Variants in TCEA3 observed in about 807,000 individuals in gnomAD.
TCEA3 encodes the protein transcription elongation factor A3.
Under a neutral mutation model 44.0 loss-of-function variants are expected in TCEA3, and 36 were observed. The observed-to-expected ratio is 0.82, with a 90% CI of 0.63 to 1.08. The LOEUF is 1.08. TCEA3 is among the 50% of genes least tolerant of loss of function. TCEA3 has a pLI of 0.00. For missense variants in TCEA3, 392 were observed against 441.2 expected, an observed-to-expected ratio of 0.89 and a Z score of 1.00; for synonymous variants, 162 against 159.7, an observed-to-expected ratio of 1.01 and a Z score of -0.11.
At chr1:23,419,242 T>C (rs1410481353) in intron 1 of TCEA3, 103 bp from the exon 2 acceptor site, 2 of 834,686 alleles carry the variant, frequency 2.4e-6, no homozygotes, top group African/African-American at 3.5e-5. Flanking sequence ...CAGACAGACA[T>C]GTGGCCGAAG....
At chr1:23,424,540 C>G in intron 1 of TCEA3, 25 bp downstream of exon 1, 1 of 1,597,946 alleles carries the variant, frequency 6.3e-7, no homozygotes, top group Non-Finnish European at 8.5e-7. Flanking sequence ...GGGCGGGGGC[C>G]GTGGCCCAAA....
intron 5 of TCEA3, among the ~76,000 whole-genome samples, chr1:23,406,841 C>T (rs935393662): frequency 8.5e-5 from 13 of 152,246 alleles, no homozygotes; most frequent in African/African-American, 2.2e-4. Flanking sequence ...AGGCTGGTCT[C>T]GAACTCCTGG....
In TCEA3 at chr1:23,383,339, T is replaced by C. The variant is rs900181143; in HGVS notation, c.1038+1007A>G. 6 of 839,018 alleles carry C rather than the reference T, an allele frequency of 7.2e-6. No individual in the cohort carries two copies. In the South Asian group the frequency reaches 1.6e-4, roughly 23 times the overall value. The allele number at this position is 839,018 out of a possible 1,614,324, so 52.0% of individuals were successfully genotyped here. A position where few individuals can be genotyped will look rare whatever the true frequency, so the allele number is the denominator to read the frequency against. On this transcript the variant is annotated intron_variant, in intron 10 of 10. Coordinates refer to ENST00000450454, the MANE Select transcript of TCEA3 (RefSeq NM_003196.3). ...AGGAAGTCGGAGCATCGGCTTTCAGTGCTCCAAACTGTGGCTTTATGCTTA... is the reference window on the plus strand; with the variant it reads ...AGGAAGTCGGAGCATCGGCTTTCAGCGCTCCAAACTGTGGCTTTATGCTTA...
Position 23,390,594 on chromosome 1 carries a change from GA to G in TCEA3, c.820-3176del, listed in dbSNP as rs1170072683. 2.6e-5 allele frequency among the ~76,000 whole-genome samples: 4 copies of G among 152,272 alleles called. No homozygotes were observed. The East Asian group carries it at 7.7e-4, about 29-fold the overall frequency. On this transcript the variant is annotated intron_variant, in intron 8 of 10. Coordinates refer to ENST00000450454, the MANE Select transcript of TCEA3 (RefSeq NM_003196.3). ...AAGTCAAGCATGGGAGATGTGGCTG[GA>G]GGTCAGATTGTGGAAGGAAGGTCTT...
intron 7 of TCEA3, 71 bp from the exon 8 acceptor site, chr1:23,394,104 T>C (rs1639147466): frequency 6.4e-7 from 1 of 1,563,074 alleles, no homozygotes; most frequent in Non-Finnish European, 8.7e-7. Flanking sequence ...CCCTGACGCC[T>C]GAGAGCTCCA....
intron 5 of TCEA3, among the ~76,000 whole-genome samples, chr1:23,402,911 C>T (rs183059402): frequency 6.6e-6 from 1 of 152,128 alleles, no homozygotes; most frequent in African/African-American, 2.4e-5. Context: ...AAAGGCACAC[C>T]CAGAGGGTCC....
chr1:23,396,083 T>C (rs986521617), intron 7 of TCEA3, among the ~76,000 whole-genome samples: 1 of 152,100 alleles, frequency 6.6e-6, no homozygotes, highest in African/African-American at 2.4e-5. Flanking sequence ...TGTTGAGGTA[T>C]TGCTGATTAA....
chr1:23,383,643 A>G (rs1375179260), intron 10 of TCEA3: 1 of 985,328 alleles, frequency 1.0e-6, no homozygotes, highest in African/African-American at 1.7e-5. Flanking sequence ...CTTTTGGAGC[A>G]CCTGCAGCCT....
intron 8 of TCEA3, 143 bp downstream of exon 8, chr1:23,393,736 G>T: frequency 9.0e-7 from 1 of 1,115,296 alleles, no homozygotes; most frequent in Non-Finnish European, 1.2e-6. Flanking sequence ...CTAGTCCAGA[G>T]CCCAGGGGGG....
intron 1 of TCEA3, among the ~76,000 whole-genome samples, chr1:23,420,649 T>G (rs554048093): frequency 5.3e-5 from 8 of 152,314 alleles, no homozygotes; most frequent in Admixed American, 3.9e-4. Flanking sequence ...TTCAAGTCTT[T>G]GTGTGAACAG....
At chr1:23,403,945 T>C in intron 5 of TCEA3, 1 of 591,134 alleles carries the variant, frequency 1.7e-6, no homozygotes, top group Non-Finnish European at 3.1e-6. Context: ...TGCACACGCC[T>C]GGGAACTGAG....
intron 1 of TCEA3, chr1:23,419,367 C>A: frequency 2.7e-6 from 1 of 371,292 alleles, no homozygotes; most frequent in Non-Finnish European, 4.8e-6. Context: ...AGGCTCCTGA[C>A]CTCCAGCCTT....
At chr1:23,399,553 A>G (rs1558043919) in intron 5 of TCEA3, among the ~76,000 whole-genome samples, 1 of 152,122 alleles carries the variant, frequency 6.6e-6, no homozygotes, top group Non-Finnish European at 1.5e-5. Context: ...ATACCATGTT[A>G]ATAGCAATTA....
At chr1:23,388,767 C>T (rs914069278) in intron 8 of TCEA3, among the ~76,000 whole-genome samples, 7 of 151,982 alleles carry the variant, frequency 4.6e-5, no homozygotes, top group African/African-American at 7.3e-5. Context: ...GCAGCCTCAA[C>T]CTCCCCAGGC....
intron 5 of TCEA3, among the ~76,000 whole-genome samples, chr1:23,400,486 G>A (rs538675390): frequency 6.6e-6 from 1 of 151,512 alleles, no homozygotes; most frequent in South Asian, 2.1e-4. Context: ...TGAGATTACA[G>A]GCATGAGCCA....
chr1:23,423,920 C>T (rs1640138206), intron 1 of TCEA3: 2 of 453,296 alleles, frequency 4.4e-6, no homozygotes, highest in Non-Finnish European at 8.9e-6. Context: ...CCAGCCCGGC[C>T]CCCTTCCCCC....
intron 5 of TCEA3, chr1:23,404,254 C>T (rs1271998951): frequency 1.4e-6 from 1 of 691,036 alleles, no homozygotes; most frequent in African/African-American, 1.7e-5. Context: ...CCGTGGTCTG[C>T]TTCCTGGTAC....
At chr1:23,384,191 C>A (rs369097908) in intron 10 of TCEA3, 155 bp downstream of exon 10, 1 of 1,484,652 alleles carries the variant, frequency 6.7e-7, no homozygotes, top group Non-Finnish European at 8.9e-7. Flanking sequence ...TCCCCAACAG[C>A]AATCCGCCAC....
chr1:23,397,938 G>A lies in TCEA3; in HGVS notation c.461C>T (p.Ser154Leu). 6.2e-7 allele frequency: 1 copy of A among 1,613,762 alleles called. No individual in the cohort carries two copies. Among genetic ancestry groups the A allele is most frequent in the Non-Finnish European group, 8.5e-7 (1 of 1,179,824 alleles). The change falls in exon 6 of 11, where the codon TCA (serine) becomes TTA (leucine). Residue 154 changes from serine (S) to leucine (L), a missense_variant. By Grantham distance (145) the Ser-to-Leu change is moderately radical. Coordinates refer to ENST00000450454, the MANE Select transcript of TCEA3 (RefSeq NM_003196.3). ...PSVERSNSSK[S>L]KAESPKTPSS... is the part of the protein sequence containing the mutation. The stretch of plus-strand genomic sequence containing the variant: ...AGGTGTTTTGGGGCTCTCCGCTTTT[G>A]ATTTGCTGCTGTTTGATCTGAGGAT...
Sources: allele counts gnomAD v4.1 joint callset (sites outside exome capture counted in the v4.1 genomes callset), GRCh38; gene constraint gnomAD v4.1.1; transcripts MANE v1.5; gene names NCBI Gene and HGNC (gene_info 2026-07-23, HGNC 2026-07-21).